NOL4: variants seen among roughly 807,000 people sequenced by gnomAD.
NOL4 encodes the protein cancer/testis antigen 125.
A neutral mutation model predicts 75.9 loss-of-function variants in NOL4; 17 were observed. The ratio of observed to expected loss-of-function variants is 0.22; its 90% CI spans 0.15 to 0.34. The LOEUF (loss-of-function observed/expected upper bound fraction) is 0.34. Among genes scored for constraint, NOL4 ranks in the 10% least tolerant of loss-of-function variants. The probability of loss-of-function intolerance (pLI) is 1.00; values close to 1 mark genes in which losing one functional copy is unlikely to be tolerated. For synonymous variants in NOL4, 292 were observed against 289.9 expected, an observed-to-expected ratio of 1.01 and a Z score of -0.07; for missense variants, 614 against 793.5, an observed-to-expected ratio of 0.77 and a Z score of 2.72.
chr18:34,182,181 G>C (rs1486683001), intron 1 of NOL4, among the ~76,000 whole-genome samples: 1 of 151,562 alleles, frequency 6.6e-6, no homozygotes, highest in Non-Finnish European at 1.5e-5. Flanking sequence ...CTAATAAATG[G>C]ATTAACAAAA....
intron 2 of NOL4, among the ~76,000 whole-genome samples, chr18:34,118,719 T>C (rs80225889): frequency 6.6e-6 from 1 of 152,304 alleles, no homozygotes; most frequent in South Asian, 2.1e-4. Flanking sequence ...AGCTATGACT[T>C]TGATAGTTTT....
chr18:33,979,556 C>T (rs190521684), intron 6 of NOL4, among the ~76,000 whole-genome samples: 1 of 151,860 alleles, frequency 6.6e-6, no homozygotes, highest in Admixed American at 6.6e-5. Flanking sequence ...GGTCCACAAT[C>T]CTTTATTTAG....
At chr18:33,890,643 C>A (rs1403927941) in intron 9 of NOL4, among the ~76,000 whole-genome samples, 1 of 152,094 alleles carries the variant, frequency 6.6e-6, no homozygotes, top group South Asian at 2.1e-4. Context: ...ATACATATTT[C>A]TATTTGATAT....
intron 1 of NOL4, among the ~76,000 whole-genome samples, chr18:34,149,519 A>G (rs558289491): frequency 4.8e-4 from 73 of 151,730 alleles, no homozygotes; most frequent in Non-Finnish European, 7.8e-4. Context: ...TACTAAATTA[A>G]TCAGAATAGC....
intron 6 of NOL4, among the ~76,000 whole-genome samples, chr18:33,981,147 T>C (rs1479469508): frequency 6.6e-6 from 1 of 151,780 alleles, no homozygotes; most frequent in East Asian, 1.9e-4. Context: ...ATAGAAACTT[T>C]CAAAACTGAA....
chr18:34,121,108 A>G (rs564890082), intron 2 of NOL4: 1 of 152,240 alleles, frequency 6.6e-6, no homozygotes, highest in Non-Finnish European at 1.5e-5. Context: ...TTTTTCATAC[A>G]TGTTCACTAT....
chr18:34,050,241 T>C (rs1316127423), intron 5 of NOL4, among the ~76,000 whole-genome samples: 1 of 151,946 alleles, frequency 6.6e-6, no homozygotes, highest in Non-Finnish European at 1.5e-5. Context: ...CCTGTTTTCA[T>C]TATGTTCATT....
intron 1 of NOL4, among the ~76,000 whole-genome samples, chr18:34,217,378 G>A (rs538796824): frequency 2.6e-4 from 39 of 151,650 alleles, no homozygotes; most frequent in Non-Finnish European, 5.0e-4. Context: ...TCCGCCTCCC[G>A]GGTTCAAGCA....
chr18:33,991,870 G>C (rs2072942152), intron 6 of NOL4, among the ~76,000 whole-genome samples: 1 of 151,092 alleles, frequency 6.6e-6, no homozygotes, highest in Admixed American at 6.6e-5. Context: ...CAGCTAAACT[G>C]AATTCTATAC....
At position 33,977,390 on chromosome 18, in the gene NOL4, T is replaced by C. The variant is rs1172924751; in HGVS notation, c.1057-18972A>G. Among the ~76,000 whole-genome samples the C allele has an allele frequency of 3.9e-5, 6 of 152,120 alleles. No homozygotes were observed. The East Asian group carries it at 9.6e-4, about 24-fold the overall frequency. ...AGTTTTTCCCAAGGTTTTCTAATGA[T>C]AGTGAATAAGTCTCATGAGATCTGA... is the stretch of plus-strand genomic sequence containing the variant. On this transcript the variant is annotated intron_variant, in intron 6 of 10. Coordinates refer to ENST00000261592, the MANE Select transcript of NOL4 (RefSeq NM_003787.5).
At chr18:34,170,585 G>C (rs571778427) in intron 1 of NOL4, among the ~76,000 whole-genome samples, 1 of 152,078 alleles carries the variant, frequency 6.6e-6, no homozygotes, top group African/African-American at 2.4e-5. Context: ...GAATATATTG[G>C]GTTAAATGAA....
At chr18:33,938,732 T>C (rs986924711) in intron 9 of NOL4, among the ~76,000 whole-genome samples, 6 of 152,214 alleles carry the variant, frequency 3.9e-5, no homozygotes, top group African/African-American at 1.4e-4. Context: ...AGGTTGCTTG[T>C]TCACTCTGAT....
intron 9 of NOL4, among the ~76,000 whole-genome samples, chr18:33,891,094 C>T (rs1240690755): frequency 6.6e-6 from 1 of 151,538 alleles, no homozygotes; most frequent in Non-Finnish European, 1.5e-5. Context: ...TATATTCTTC[C>T]ATACTATAAT....
At chr18:33,868,348 C>G (rs1434330151) in intron 10 of NOL4, among the ~76,000 whole-genome samples, 1 of 151,804 alleles carries the variant, frequency 6.6e-6, no homozygotes, top group South Asian at 2.1e-4. Context: ...AAATGTTAAT[C>G]TCATACAGAA....
At chr18:34,187,588 C>T (rs2034585369) in intron 1 of NOL4, among the ~76,000 whole-genome samples, 1 of 151,956 alleles carries the variant, frequency 6.6e-6, no homozygotes, top group East Asian at 1.9e-4. Flanking sequence ...GGGGTTTCAC[C>T]GTGTTAGCCA....
chr18:33,983,578 T>C (rs1178811929), intron 6 of NOL4, among the ~76,000 whole-genome samples: 2 of 150,144 alleles, frequency 1.3e-5, no homozygotes, highest in African/African-American at 2.5e-5. Flanking sequence ...TATGTATAAA[T>C]ATATATAAAT....
intron 9 of NOL4, among the ~76,000 whole-genome samples, chr18:33,884,423 G>A (rs1493919): frequency 0.13 from 19,809 of 151,952 alleles, 1,425 homozygotes; most frequent in Non-Finnish European, 0.17. Context: ...TTTAAGCTAC[G>A]CTAGTGTTTA....
intron 9 of NOL4, among the ~76,000 whole-genome samples, chr18:33,888,658 C>A (rs1158865215): frequency 6.6e-6 from 1 of 151,922 alleles, no homozygotes. Context: ...TTTCCCAGCA[C>A]CATTTATTAA....
intron 4 of NOL4, among the ~76,000 whole-genome samples, chr18:34,095,358 T>A (rs2145573398): frequency 1.3e-5 from 2 of 151,854 alleles, no homozygotes; most frequent in Middle Eastern, 6.8e-3. Context: ...CTAGTGTTGA[T>A]CATATACAAA....
Sources: gnomAD v4.1 joint callset for allele counts (sites outside exome capture counted in the v4.1 genomes callset) on GRCh38, gnomAD v4.1.1 for gene constraint, MANE v1.5 for transcripts, NCBI Gene and HGNC (gene_info 2026-07-23, HGNC 2026-07-21) for gene names.